SLIT3: variants seen among roughly 807,000 people sequenced by gnomAD.
SLIT3 encodes the protein slit homolog 3 protein.
SLIT3 carries 68 observed loss-of-function variants against 184.0 expected under a neutral mutation model. That is an observed-to-expected ratio of 0.37 (90% confidence interval 0.30 to 0.45). The LOEUF (loss-of-function observed/expected upper bound fraction) is 0.45. Among genes scored for constraint, SLIT3 ranks in the 20% least tolerant of loss-of-function variants. SLIT3 has a pLI of 1.00. For missense variants in SLIT3, 1,707 were observed against 2,026.0 expected (o/e 0.84, Z 3.02); for synonymous variants, 831 against 828.6 (o/e 1.00, Z -0.05).
At chr5:169,165,684 C>A (rs1359059979) in intron 4 of SLIT3, among the ~76,000 whole-genome samples, 1 of 152,194 alleles carries the variant, frequency 6.6e-6, no homozygotes, top group Non-Finnish European at 1.5e-5. Flanking sequence ...TAAAGCCTTC[C>A]TTGGCTACCT....
chr5:169,121,955 G>C (rs1484623209), intron 4 of SLIT3, among the ~76,000 whole-genome samples: 2 of 152,206 alleles, frequency 1.3e-5, no homozygotes, highest in Admixed American at 6.5e-5. Context: ...GAGAATTCCA[G>C]TTGTTCATAA....
chr5:168,742,341 T>C (rs925427263), intron 20 of SLIT3, among the ~76,000 whole-genome samples: 1 of 151,242 alleles, frequency 6.6e-6, no homozygotes, highest in African/African-American at 2.4e-5. Context: ...TGGAGGGAGC[T>C]GGCCTATGTA....
At chr5:168,935,772 C>G (rs1369269540) in intron 4 of SLIT3, among the ~76,000 whole-genome samples, 1 of 152,218 alleles carries the variant, frequency 6.6e-6, no homozygotes, top group East Asian at 1.9e-4. Flanking sequence ...GTTCTAAGCT[C>G]TTAGGGCTCT....
chr5:168,846,416 T>C (rs1758470576), intron 5 of SLIT3, among the ~76,000 whole-genome samples: 1 of 152,098 alleles, frequency 6.6e-6, no homozygotes, highest in South Asian at 2.1e-4. Context: ...TTTTCATAGA[T>C]TTCTTGCAGT....
chr5:169,291,561 G>A (rs1055537925), intron 1 of SLIT3, among the ~76,000 whole-genome samples: 6 of 152,218 alleles, frequency 3.9e-5, no homozygotes, highest in South Asian at 2.1e-4. Flanking sequence ...TAGTCTTCAC[G>A]CTCCAATACA....
intron 27 of SLIT3, among the ~76,000 whole-genome samples, chr5:168,699,008 C>A (rs1387789748): frequency 6.6e-6 from 1 of 152,238 alleles, no homozygotes; most frequent in Non-Finnish European, 1.5e-5. Context: ...CCCCCCAATC[C>A]CTCGCCTGGG....
intron 5 of SLIT3, among the ~76,000 whole-genome samples, chr5:168,866,863 C>G (rs1372063963): frequency 3.9e-5 from 6 of 152,200 alleles, no homozygotes; most frequent in Non-Finnish European, 7.3e-5. Flanking sequence ...AGTGCTAACT[C>G]TTTTACAAAC....
intron 2 of SLIT3, 119 bp downstream of exon 2, chr5:169,251,269 G>A (rs1337905948): frequency 2.7e-6 from 2 of 740,958 alleles, no homozygotes; most frequent in East Asian, 2.5e-5. Context: ...TTCTGCTGCA[G>A]AATGGTGAAT....
chr5:168,800,592 A>G (rs55825450), intron 9 of SLIT3, among the ~76,000 whole-genome samples: 39,405 of 151,724 alleles, frequency 0.26, 6,497 homozygotes, highest in South Asian at 0.35. Context: ...TGTCTCAAAA[A>G]AAAGAAAGAA....
intron 4 of SLIT3, among the ~76,000 whole-genome samples, chr5:168,963,394 A>T (rs1296134433): frequency 6.6e-6 from 1 of 151,576 alleles, no homozygotes; most frequent in Admixed American, 6.6e-5. Flanking sequence ...CTGGTCTTGA[A>T]CTCCTGACTT....
chr5:169,193,390 A>C (rs1763622850), intron 4 of SLIT3, 89 bp downstream of exon 4: 1 of 1,103,636 alleles, frequency 9.1e-7, no homozygotes, highest in South Asian at 1.2e-5. Context: ...GCCAAGCTCC[A>C]CACGGCACGG....
At chr5:168,895,256 C>T (rs1415368680) in intron 4 of SLIT3, among the ~76,000 whole-genome samples, 1 of 152,156 alleles carries the variant, frequency 6.6e-6, no homozygotes, top group East Asian at 1.9e-4. Flanking sequence ...TAGAGTTCCT[C>T]TTATGTGGCC....
In SLIT3 at chr5:168,774,837, G is replaced by T. The variant is rs150732287; in HGVS notation, c.1152-459C>A. On this transcript the variant is annotated intron_variant, in intron 12 of 35. Coordinates refer to ENST00000519560, the MANE Select transcript of SLIT3 (RefSeq NM_003062.4). ...TCACTGATCCTACTGGAAATCTGAT[G>T]AAAGTTATATGTCATCCTCCTGGAA... 4.0e-3 allele frequency among the ~76,000 whole-genome samples: 606 copies of T among 152,314 alleles called. 5 individuals are homozygous for T. The Middle Eastern group carries it at 0.044, about 11-fold the overall frequency.
intron 28 of SLIT3, 75 bp downstream of exon 28, chr5:168,696,217 C>T: frequency 1.3e-6 from 2 of 1,560,114 alleles, no homozygotes; most frequent in Non-Finnish European, 8.8e-7. Context: ...AAGAGAGTCC[C>T]TGGAGGAAGT....
chr5:168,994,435 C>T (rs1243471044), intron 4 of SLIT3, among the ~76,000 whole-genome samples: 2 of 151,912 alleles, frequency 1.3e-5, no homozygotes, highest in East Asian at 3.9e-4. Context: ...CGAAAGGTAC[C>T]ATCCCAGAAT....
In SLIT3 at chr5:168,804,323, A is replaced by AC. The variant is rs1276761392; in HGVS notation, c.935+2122_935+2123insG. Among the ~76,000 whole-genome samples, 9 of 150,158 alleles carry AC rather than the reference A, an allele frequency of 6.0e-5. 1 individual carries two copies. The highest frequency in any genetic ancestry group is 1.3e-4 in the Non-Finnish European group (9 of 67,496). ...GAAACTCTTTCTCAAAAAAAAAAAA[A>AC]AAAAAAAAAAAAAAAAGATGAAAGG... is the stretch of plus-strand genomic sequence containing the variant. On this transcript the variant is annotated intron_variant, in intron 9 of 35. Transcript: ENST00000519560.
chr5:169,280,759 G>C (rs1350566543), intron 1 of SLIT3, among the ~76,000 whole-genome samples: 1 of 152,190 alleles, frequency 6.6e-6, no homozygotes, highest in Non-Finnish European at 1.5e-5. Flanking sequence ...GGCCAGGTAG[G>C]AAGCTCAGGT....
intron 3 of SLIT3, among the ~76,000 whole-genome samples, chr5:169,229,045 A>G (rs142010586): frequency 9.2e-5 from 14 of 152,228 alleles, no homozygotes; most frequent in Middle Eastern, 3.4e-3. Flanking sequence ...CCAAACCTCC[A>G]CATCTTGGAG....
intron 4 of SLIT3, among the ~76,000 whole-genome samples, chr5:168,974,775 A>G (rs935034110): frequency 2.0e-5 from 3 of 152,170 alleles, no homozygotes; most frequent in Non-Finnish European, 4.4e-5. Flanking sequence ...CAGCCATGCC[A>G]ACCTCTCCTC....
Sources: allele counts gnomAD v4.1 joint callset (sites outside exome capture counted in the v4.1 genomes callset), GRCh38; gene constraint gnomAD v4.1.1; transcripts MANE v1.5; gene names NCBI Gene and HGNC (gene_info 2026-07-23, HGNC 2026-07-21).